Variants in EXOC6B observed in about 807,000 individuals in gnomAD.
The protein encoded by EXOC6B is exocyst complex component 6B, also known as SEC15 homolog B.
EXOC6B carries 54 observed loss-of-function variants against 113.5 expected under a neutral mutation model. The ratio of observed to expected loss-of-function variants is 0.48; its 90% confidence interval spans 0.38 to 0.60. EXOC6B has a LOEUF of 0.60. Among genes scored for constraint, EXOC6B ranks in the 20% least tolerant of loss-of-function variants. EXOC6B has a pLI of 0.00. For synonymous variants in EXOC6B, 357 were observed against 339.0 expected (o/e 1.05, Z -0.58); for missense variants, 797 against 977.5 (o/e 0.82, Z 2.46).
chr2:72,409,480 A>G (rs1694017841), intron 18 of EXOC6B, among the ~76,000 whole-genome samples: 1 of 152,222 alleles, frequency 6.6e-6, no homozygotes, highest in Admixed American at 6.5e-5. Flanking sequence ...ATGTCCAACA[A>G]TGATAGACTG....
intron 1 of EXOC6B, among the ~76,000 whole-genome samples, chr2:72,784,575 T>C (rs1172744575): frequency 6.6e-6 from 1 of 152,072 alleles, no homozygotes; most frequent in Non-Finnish European, 1.5e-5. Flanking sequence ...TCTTATATGG[T>C]GGCGGCAAGA....
chr2:72,493,335 G>A (rs1472329631), intron 15 of EXOC6B, among the ~76,000 whole-genome samples: 3 of 76,912 alleles, frequency 3.9e-5, no homozygotes, highest in East Asian at 2.3e-4. Context: ...CCCCCCCCCC[G>A]CATTTTTACA....
intron 5 of EXOC6B, among the ~76,000 whole-genome samples, chr2:72,724,310 G>A (rs560470752): frequency 2.0e-4 from 31 of 152,252 alleles, no homozygotes; most frequent in African/African-American, 6.7e-4. Flanking sequence ...ATGAAGAGTC[G>A]TTGGGGACTC....
intron 18 of EXOC6B, among the ~76,000 whole-genome samples, chr2:72,404,229 A>G (rs1010410093): frequency 1.2e-4 from 19 of 152,210 alleles, no homozygotes; most frequent in African/African-American, 4.6e-4. Context: ...AACTGGGTGG[A>G]GCCCACCACA....
At chr2:72,401,627 A>G (rs1426345269) in intron 18 of EXOC6B, among the ~76,000 whole-genome samples, 1 of 52,904 alleles carries the variant, frequency 1.9e-5, no homozygotes. Context: ...ATATACATAT[A>G]TATATATATA....
chr2:72,651,137 G>C (rs999309648), intron 6 of EXOC6B, among the ~76,000 whole-genome samples: 1 of 152,196 alleles, frequency 6.6e-6, no homozygotes, highest in Non-Finnish European at 1.5e-5. Context: ...AGTAATATCT[G>C]TGCTTTATCT....
chr2:72,271,847 GA>G lies in EXOC6B; in HGVS notation c.2196+63099del, dbSNP rs35086517. Among the ~76,000 whole-genome samples the G allele has an allele frequency of 7.0e-4, 104 of 149,282 alleles. 1 individual carries two copies. The highest frequency in any genetic ancestry group is 8.8e-4 in the Non-Finnish European group (59 of 67,066). On this transcript the variant is annotated intron_variant, in intron 20 of 21. Transcript: ENST00000272427. The stretch of plus-strand genomic sequence containing the variant: ...AAGCCAAGTCAAAACAATGCTCAAG[GA>G]AAAAAAAAATGCTGAAAGTTCCTGG...
At chr2:72,613,223 C>T (rs753357768) in intron 6 of EXOC6B, among the ~76,000 whole-genome samples, 1 of 152,014 alleles carries the variant, frequency 6.6e-6, no homozygotes, top group African/African-American at 2.4e-5. Context: ...AAAACAAGAT[C>T]TTGTCTTCAA....
intron 19 of EXOC6B, among the ~76,000 whole-genome samples, chr2:72,371,099 T>C (rs912277831): frequency 6.6e-6 from 1 of 151,446 alleles, no homozygotes; most frequent in Non-Finnish European, 1.5e-5. Context: ...GTGTCTTGGA[T>C]ACCAGTTCAG....
intron 18 of EXOC6B, among the ~76,000 whole-genome samples, chr2:72,457,013 A>G (rs776036312): frequency 0.017 from 2,237 of 132,880 alleles, 21 homozygotes; most frequent in African/African-American, 0.023. Context: ...CATGGGGGGG[A>G]AAAAAAAAAA....
At chr2:72,787,549 A>G (rs1432995514) in intron 1 of EXOC6B, among the ~76,000 whole-genome samples, 1 of 152,058 alleles carries the variant, frequency 6.6e-6, no homozygotes, top group Admixed American at 6.6e-5. Flanking sequence ...ATTTTCCATA[A>G]AAGATAGCTT....
chr2:72,418,981 G>C (rs181216723), intron 18 of EXOC6B, among the ~76,000 whole-genome samples: 1 of 151,434 alleles, frequency 6.6e-6, no homozygotes, highest in South Asian at 2.1e-4. Context: ...TTTGTGTATC[G>C]AGCTATTTTC....
rs142188709 is a variant in EXOC6B, at chr2:72,664,332, G to GA, written c.669+53770dup. ...GAAGACACTGAGGCTGAAGAGTGGG[G>GA]AAGCTAGGATCCCAGCACGGAGTTG... On this transcript the variant is annotated intron_variant, in intron 6 of 21. Transcript: ENST00000272427. Among the ~76,000 whole-genome samples, 109 of 152,230 alleles carry GA rather than the reference G, an allele frequency of 7.2e-4. No homozygotes were observed. In the East Asian group the frequency reaches 0.018, roughly 26 times the overall value.
At chr2:72,363,714 T>A in intron 19 of EXOC6B, among the ~76,000 whole-genome samples, 1 of 152,096 alleles carries the variant, frequency 6.6e-6, no homozygotes, top group East Asian at 1.9e-4. Context: ...TCTCATTTGA[T>A]CCAAACCCTC....
chr2:72,643,377 T>C (rs906788820), intron 6 of EXOC6B, among the ~76,000 whole-genome samples: 10 of 147,444 alleles, frequency 6.8e-5, no homozygotes, highest in Admixed American at 2.7e-4. Flanking sequence ...TGTCCAACAA[T>C]GACAGACTGG....
intron 20 of EXOC6B, among the ~76,000 whole-genome samples, chr2:72,257,102 C>T (rs1432469572): frequency 2.6e-5 from 4 of 152,162 alleles, no homozygotes; most frequent in African/African-American, 9.7e-5. Flanking sequence ...TGTTTTCTCT[C>T]CACAAAGACA....
chr2:72,602,642 T>C (rs1274797168), intron 6 of EXOC6B, among the ~76,000 whole-genome samples: 1 of 152,234 alleles, frequency 6.6e-6, no homozygotes, highest in Non-Finnish European at 1.5e-5. Flanking sequence ...TGTCAAAATA[T>C]GCTTTTGATT....
chr2:72,431,404 T>C (rs1342087305), intron 18 of EXOC6B, among the ~76,000 whole-genome samples: 3 of 152,068 alleles, frequency 2.0e-5, no homozygotes, highest in Admixed American at 2.0e-4. Flanking sequence ...TTTGAACTCT[T>C]GGGCTAAAGC....
At chr2:72,342,340 A>T (rs965438101) in intron 19 of EXOC6B, among the ~76,000 whole-genome samples, 1 of 152,252 alleles carries the variant, frequency 6.6e-6, no homozygotes, top group East Asian at 1.9e-4. Context: ...TTGAAAAGAT[A>T]AACAAAATTG....
Sources: allele counts gnomAD v4.1 joint callset (sites outside exome capture counted in the v4.1 genomes callset), GRCh38; gene constraint gnomAD v4.1.1; transcripts MANE v1.5; gene names NCBI Gene and HGNC (gene_info 2026-07-23, HGNC 2026-07-21).